The following MDH2 variants were observed in gnomAD, a reference collection of about 807,000 sequenced individuals.
The protein encoded by MDH2 is malate dehydrogenase 2.
In MDH2, 25 loss-of-function variants were observed where a neutral mutation model predicts 33.6. The ratio of observed to expected loss-of-function variants is 0.74; its 90% CI spans 0.54 to 1.04. The LOEUF (loss-of-function observed/expected upper bound fraction) is 1.04. MDH2 is among the 50% of genes least tolerant of loss of function. The pLI is 0.00. For missense variants in MDH2, 432 were observed against 445.0 expected, an observed-to-expected ratio of 0.97 and a Z score of 0.26; for synonymous variants, 193 against 188.7, an observed-to-expected ratio of 1.02 and a Z score of -0.19.
intron 2 of MDH2, 142 bp from the exon 3 acceptor site, chr7:76,057,268 C>T (rs1247786377): frequency 5.4e-6 from 4 of 740,146 alleles, no homozygotes; most frequent in East Asian, 2.7e-5. Context: ...GGGCAGTAGT[C>T]GTCAACAGAA....
chr7:76,064,049 G>T (rs1452190930), intron 6 of MDH2, among the ~76,000 whole-genome samples: 1 of 151,816 alleles, frequency 6.6e-6, no homozygotes, highest in Non-Finnish European at 1.5e-5. Context: ...ATGAGTAGGG[G>T]ACTCACCACA....
chr7:76,052,557 G>A (rs1797657458), intron 1 of MDH2, among the ~76,000 whole-genome samples: 1 of 150,646 alleles, frequency 6.6e-6, no homozygotes, highest in Non-Finnish European at 1.5e-5. Context: ...TGAAAGCTTT[G>A]GAAGATTTTT....
chr7:76,060,198 G>T (rs948676750), intron 4 of MDH2, among the ~76,000 whole-genome samples, 175 bp from the exon 5 acceptor site: 4 of 152,242 alleles, frequency 2.6e-5, no homozygotes, highest in Non-Finnish European at 4.4e-5. Context: ...GGTGCGGCCT[G>T]TCCTTTCTGG....
At chr7:76,048,360 G>C in intron 1 of MDH2, 134 bp downstream of exon 1, 1 of 1,318,102 alleles carries the variant, frequency 7.6e-7, no homozygotes, top group Non-Finnish European at 1.0e-6. Context: ...GCTGGAGACT[G>C]TGGCGCCCGG....
intron 5 of MDH2, among the ~76,000 whole-genome samples, chr7:76,061,828 A>G (rs1797962143): frequency 6.6e-6 from 1 of 151,892 alleles, no homozygotes. Context: ...GGCTGGGCAC[A>G]CCCCAGGCCC....
Position 76,052,693 on chromosome 7 carries a change from C to T in MDH2, c.67-2137C>T, listed in dbSNP as rs547714049. On this transcript the variant is annotated intron_variant, in intron 1 of 8. Coordinates refer to ENST00000315758, the MANE Select transcript of MDH2 (RefSeq NM_005918.4). ...CTGAGTAGCTAGGATTACCGGTGCG[C>T]GCCACCATGTCTGGCTAATTTTTTT... 1.6e-3 allele frequency among the ~76,000 whole-genome samples: 246 copies of T among 150,650 alleles called. 1 individual carries two copies. The highest frequency in any genetic ancestry group is 5.8e-3 in the African/African-American group (237 of 40,992).
chr7:76,062,034 C>A (rs1797968501), intron 5 of MDH2, among the ~76,000 whole-genome samples: 1 of 152,222 alleles, frequency 6.6e-6, no homozygotes, highest in Admixed American at 6.5e-5. Flanking sequence ...GAGTTGGGGA[C>A]AGGGTACCTT....
chr7:76,057,316 G>A (rs551881254), intron 2 of MDH2, 94 bp from the exon 3 acceptor site: 16 of 1,286,800 alleles, frequency 1.2e-5, no homozygotes, highest in African/African-American at 5.9e-5. Flanking sequence ...AGCCTTTCTC[G>A]AGGCCATTAG....
chr7:76,048,522 G>C (rs1797414534), intron 1 of MDH2: 1 of 1,326,474 alleles, frequency 7.5e-7, no homozygotes, highest in Admixed American at 3.8e-5. Context: ...ACGCCTTCAA[G>C]GTTGGGAAAC....
At chr7:76,062,879 G>A (rs1797992369) in intron 5 of MDH2, among the ~76,000 whole-genome samples, 2 of 152,196 alleles carry the variant, frequency 1.3e-5, no homozygotes, top group African/African-American at 4.8e-5. Context: ...ACTCCAGCCT[G>A]GGGGATAGAG....
rs782730584 is a variant in MDH2 at position 76,060,428 on chromosome 7, A to G, written c.485A>G (p.Asn162Ser). 6.3e-5 allele frequency: 102 copies of G among 1,613,912 alleles called. No individual in the cohort carries two copies. Among genetic ancestry groups the G allele is most frequent in the East Asian group, 1.3e-4 (6 of 44,882 alleles). Reference protein sequence around the residue: ...AEVFKKHGVYNPNKIFGVTTL... With the variant: ...AEVFKKHGVYSPNKIFGVTTL... ...GTTTTCAAGAAGCATGGAGTGTACA[A>G]CCCCAACAAAATCTTCGGCGTGACG... Residue 162 changes from asparagine (N) to serine (S), a missense_variant, in exon 5 of 9, where the codon AAC becomes AGC. Coordinates refer to ENST00000315758, the MANE Select transcript of MDH2 (RefSeq NM_005918.4).
rs562676398 is a variant in MDH2 at position 76,059,394 on chromosome 7, CCT to C, written c.430-978_430-977del. 2.6e-4 allele frequency among the ~76,000 whole-genome samples: 40 copies of C among 152,346 alleles called. No homozygotes were observed. In the South Asian group the frequency reaches 5.0e-3, roughly 19 times the overall value. On this transcript the variant is annotated intron_variant, in intron 4 of 8. Coordinates refer to ENST00000315758, the MANE Select transcript of MDH2 (RefSeq NM_005918.4). Reference sequence around the variant, plus strand: ...TACTCAGGATTTCCATTCCTGGTCCCCTGTTGTCCCCATTTCCTCATTCACAC... The same window carrying C: ...TACTCAGGATTTCCATTCCTGGTCCCGTTGTCCCCATTTCCTCATTCACAC...
chr7:76,064,575 C>T, intron 7 of MDH2, 137 bp downstream of exon 7: 11 of 965,580 alleles, frequency 1.1e-5, no homozygotes, highest in Non-Finnish European at 1.7e-5. Context: ...TGGAAAATCC[C>T]TGTGTGAGAG....
rs146040540 is a variant in MDH2, at chr7:76,060,291, G to A, written c.430-82G>A. On this transcript the variant is annotated intron_variant, in intron 4 of 8. Transcript: ENST00000315758. ...ACTAGTTAGACCTTTGGGAAGGTCT[G>A]ACAAAAAGCCCTTTTCCTGCTGTGG... 109 of 1,560,766 alleles carry A rather than the reference G, an allele frequency of 7.0e-5. 1 individual carries two copies. In the East Asian group the frequency reaches 2.4e-3, roughly 35 times the overall value.
chr7:76,048,623 G>A, intron 1 of MDH2: 1 of 1,275,752 alleles, frequency 7.8e-7, no homozygotes, highest in Non-Finnish European at 9.9e-7. Context: ...ATCCGTGTGA[G>A]TTGTGCGTGA....
chr7:76,056,899 G>A (rs1484523082), intron 2 of MDH2, among the ~76,000 whole-genome samples: 1 of 152,076 alleles, frequency 6.6e-6, no homozygotes, highest in African/African-American at 2.4e-5. Context: ...TGTAATCCCA[G>A]CTACTGAGGA....
chr7:76,058,407 CTT>C (rs1416716982), intron 4 of MDH2, among the ~76,000 whole-genome samples: 4 of 152,126 alleles, frequency 2.6e-5, no homozygotes, highest in South Asian at 2.1e-4. Context: ...GTGGTGGTCT[CTT>C]GATTCCCTTT....
intron 5 of MDH2, 77 bp from the exon 6 acceptor site, chr7:76,063,438 G>T: frequency 7.0e-7 from 1 of 1,423,716 alleles, no homozygotes; most frequent in Admixed American, 1.7e-5. Context: ...TTCCAGTGTT[G>T]GGGCTGTGGG....
In MDH2 at chr7:76,061,249, C is replaced by T. The variant is rs557750273; in HGVS notation, c.555+751C>T. 4.7e-4 allele frequency among the ~76,000 whole-genome samples: 72 copies of T among 152,278 alleles called. 1 individual carries two copies. Among genetic ancestry groups the T allele is most frequent in the South Asian group, 2.7e-3 (13 of 4,826 alleles). ...TTCTGATGGCAGATTGGAGGTTATA[C>T]GTGCGGCATGGTAGGAAGTGCACCC... On this transcript the variant is annotated intron_variant, in intron 5 of 8. Coordinates refer to ENST00000315758, the MANE Select transcript of MDH2 (RefSeq NM_005918.4).
Sources: gnomAD v4.1 joint callset for allele counts (sites outside exome capture counted in the v4.1 genomes callset) on GRCh38, gnomAD v4.1.1 for gene constraint, MANE v1.5 for transcripts, NCBI Gene and HGNC (gene_info 2026-07-23, HGNC 2026-07-21) for gene names.